Variants in USP6NL observed in about 807,000 individuals in gnomAD.
USP6NL encodes USP6 N-terminal like.
Under a neutral mutation model 61.9 loss-of-function variants are expected in USP6NL, and 26 were observed. The ratio of observed to expected loss-of-function variants is 0.42; its 90% CI spans 0.31 to 0.58. USP6NL has a LOEUF of 0.58. USP6NL is among the 20% of genes least tolerant of loss of function. The pLI, the probability that USP6NL is intolerant of heterozygous loss-of-function variation, is 0.16. For synonymous variants in USP6NL, 432 were observed against 390.1 expected (o/e 1.11, Z -1.27); for missense variants, 1,114 against 1,034.3 (o/e 1.08, Z -1.06).
chr10:11,538,337 A>C (rs2133443806), intron 2 of USP6NL, among the ~76,000 whole-genome samples: 1 of 152,268 alleles, frequency 6.6e-6, no homozygotes, highest in Admixed American at 6.5e-5. Context: ...AGAACTGGCC[A>C]CTGCTGCTTC....
chr10:11,463,668 G>A lies in USP6NL; in HGVS notation c.1260C>T (p.Ser420=), dbSNP rs1832296250. 1 of 1,613,944 alleles carries A rather than the reference G, an allele frequency of 6.2e-7. No homozygotes were observed. The highest frequency in any genetic ancestry group is 1.1e-5 in the South Asian group (1 of 91,080). The change falls in exon 15 of 15, where the codon AGC becomes AGT. Residue 420 remains serine (S), a synonymous_variant. Coordinates refer to ENST00000609104, the MANE Select transcript of USP6NL (RefSeq NM_014688.5). The surrounding 1 kb of genome is among the most constrained non-coding windows in gnomAD (Gnocchi z 6.3). ...GTGCTCTCTCGGGCGTCCCGGTCCT[G>A]CTCTGGGGGTGCGGGGAGTGCTCGT... The part of the protein sequence containing the change: ...RRHEHSPHPQ[S]RTGTPERAQP...
chr10:11,501,556 AACTTCTTACAC>A, intron 6 of USP6NL, among the ~76,000 whole-genome samples: 1 of 152,342 alleles, frequency 6.6e-6, no homozygotes, highest in South Asian at 2.1e-4. Context: ...TGGTATAATT[AACTTCTTACAC>A]ACTTTCTGCC....
chr10:11,529,820 T>C (rs1025359609), intron 2 of USP6NL, among the ~76,000 whole-genome samples: 1 of 152,088 alleles, frequency 6.6e-6, no homozygotes, highest in African/African-American at 2.4e-5. Context: ...AGCAAATTAA[T>C]AGGAATTAAA....
In USP6NL at chr10:11,608,920, G is replaced by A. The variant is rs534879157; in HGVS notation, c.-84+2523C>T. Reference sequence around the variant, plus strand: ...CTTAAATCTCATGTACTACATGGACGTGTGCTACAAGTTGGATTTCTTTTC... The same window carrying A: ...CTTAAATCTCATGTACTACATGGACATGTGCTACAAGTTGGATTTCTTTTC... On this transcript the variant is annotated intron_variant, in intron 1 of 14. Coordinates refer to ENST00000609104, the MANE Select transcript of USP6NL (RefSeq NM_014688.5). 2.0e-5 allele frequency among the ~76,000 whole-genome samples: 3 copies of A among 152,274 alleles called. No homozygotes were observed. The South Asian group carries it at 6.2e-4, about 32-fold the overall frequency.
chr10:11,586,953 G>C (rs1837989576), intron 2 of USP6NL, among the ~76,000 whole-genome samples: 1 of 152,172 alleles, frequency 6.6e-6, no homozygotes, highest in Admixed American at 6.5e-5. Context: ...GTCTCAGCTG[G>C]AAGGTTTCCT....
chr10:11,468,651 G>A lies in USP6NL; in HGVS notation c.1079-4802C>T, dbSNP rs983126666. 3.3e-5 allele frequency among the ~76,000 whole-genome samples: 5 copies of A among 152,242 alleles called. No individual in the cohort carries two copies. The highest frequency in any genetic ancestry group is 7.3e-5 in the Non-Finnish European group (5 of 68,040). On this transcript the variant is annotated intron_variant, in intron 14 of 14. Coordinates refer to ENST00000609104, the MANE Select transcript of USP6NL (RefSeq NM_014688.5). This position sits in a 1 kb window ranked among gnomAD's most constrained non-coding sequence, Gnocchi z 4.5. ...AACTGTAGCGTGGGAGTGGAGGGGA[G>A]GAGGTGTGGGAAAAATGCGGAACAC...
chr10:11,555,471 A>AGAAAGAGAG (rs1566178235), intron 2 of USP6NL, among the ~76,000 whole-genome samples: 26 of 62,140 alleles, frequency 4.2e-4, no homozygotes, highest in South Asian at 2.2e-3. Context: ...GAGAGAGAGA[A>AGAAAGAGAG]AGAGAGAGAG....
At chr10:11,551,137 G>A (rs551964439) in intron 2 of USP6NL, among the ~76,000 whole-genome samples, 21 of 152,140 alleles carry the variant, frequency 1.4e-4, no homozygotes, top group African/African-American at 4.1e-4. Flanking sequence ...AGGTATCTAC[G>A]CAAAAGAAAC....
rs556631384 is a variant in USP6NL, at chr10:11,461,233, A to C, written c.*1208T>G. 1 of 152,236 alleles carries C rather than the reference A, an allele frequency of 6.6e-6. No homozygotes were observed. The highest frequency in any genetic ancestry group is 1.9e-4 in the East Asian group (1 of 5,140). 9.4% of individuals were successfully genotyped at this position (152,236 alleles called of 1,614,324 possible). On this transcript the variant is annotated 3_prime_UTR_variant, in exon 15 of 15. Transcript: ENST00000609104. ...CAGAATATTTTTTAAAGACATCACTAATTTTTTTTTAAGCCAAGAACTTGA... is the reference window on the plus strand; with the variant it reads ...CAGAATATTTTTTAAAGACATCACTCATTTTTTTTTAAGCCAAGAACTTGA...
chr10:11,571,186 C>T (rs766675771), intron 2 of USP6NL, among the ~76,000 whole-genome samples: 5 of 151,760 alleles, frequency 3.3e-5, no homozygotes, highest in African/African-American at 9.7e-5. Context: ...CGGGTTCAAG[C>T]GATTCTCCTG....
chr10:11,490,421 T>C lies in USP6NL; in HGVS notation c.543+411A>G, dbSNP rs1056367647. On this transcript the variant is annotated intron_variant, in intron 9 of 14. Coordinates refer to ENST00000609104, the MANE Select transcript of USP6NL (RefSeq NM_014688.5). The surrounding 1 kb of genome is among the most constrained non-coding windows in gnomAD (Gnocchi z 4.5). ...GTTATCTTGTTTGGACCTCACCTAATAGATAAATGTGATTGTGAAAAGTAA... is the reference window on the plus strand; with the variant it reads ...GTTATCTTGTTTGGACCTCACCTAACAGATAAATGTGATTGTGAAAAGTAA... Among the ~76,000 whole-genome samples, 4 of 152,116 alleles carry C rather than the reference T, an allele frequency of 2.6e-5. No homozygotes were observed. The highest frequency in any genetic ancestry group is 2.1e-4 in the South Asian group (1 of 4,828).
chr10:11,565,338 T>A (rs1049305313), intron 2 of USP6NL: 1 of 152,108 alleles, frequency 6.6e-6, no homozygotes, highest in Admixed American at 6.5e-5. Flanking sequence ...AAAATCAGCA[T>A]CCTTTAAGAA....
rs867393244 is a variant in USP6NL, at chr10:11,537,700, G to C, written c.5-10133C>G. On this transcript the variant is annotated intron_variant, in intron 2 of 14. Coordinates refer to ENST00000609104, the MANE Select transcript of USP6NL (RefSeq NM_014688.5). The surrounding 1 kb of genome is among the most constrained non-coding windows in gnomAD (Gnocchi z 5.1). ...AAGTAGGGTCAGTGGGGCTGGGGAG[G>C]ATGCAGCAAAGCTCTGCTAGCTTGG... Among the ~76,000 whole-genome samples the C allele has an allele frequency of 1.9e-4, 29 of 152,324 alleles. No individual in the cohort carries two copies. In the Middle Eastern group the frequency reaches 0.01, roughly 54 times the overall value.
At chr10:11,544,146 T>G (rs1371518071) in intron 2 of USP6NL, among the ~76,000 whole-genome samples, 1 of 151,864 alleles carries the variant, frequency 6.6e-6, no homozygotes, top group Non-Finnish European at 1.5e-5. Flanking sequence ...CCCAACCAAA[T>G]GTTCCACCCT....
rs568132281 is a variant in USP6NL, at chr10:11,528,720, T to C, written c.5-1153A>G. Among the ~76,000 whole-genome samples the C allele has an allele frequency of 6.6e-6, 1 of 152,360 alleles. No homozygotes were observed. The highest frequency in any genetic ancestry group is 1.5e-5 in the Non-Finnish European group (1 of 68,034). ...CGATGGCAGATGGAACATATGCTTT[T>C]ACCTCCATTTCCCCTAAAACCCCAC... On this transcript the variant is annotated intron_variant, in intron 2 of 14. Transcript: ENST00000609104. This position sits in a 1 kb window ranked among gnomAD's most constrained non-coding sequence, Gnocchi z 4.6.
rs1357433192 is a variant in USP6NL, at chr10:11,611,457, G to T, written c.-98C>A. 2.6e-5 allele frequency: 4 copies of T among 153,762 alleles called. No individual in the cohort carries two copies. In the South Asian group the frequency reaches 7.4e-4, roughly 29 times the overall value. 9.5% of individuals were successfully genotyped at this position (153,762 alleles called of 1,614,324 possible). On this transcript the variant is annotated 5_prime_UTR_variant, in exon 1 of 15. Coordinates refer to ENST00000609104, the MANE Select transcript of USP6NL (RefSeq NM_014688.5). The surrounding 1 kb of genome is among the most constrained non-coding windows in gnomAD (Gnocchi z 5.3). ...ATGGAAGTTACCTCAGTACGGTCCCGACTGCTAGGCTGTGGGCAGCGGACA... is the reference window on the plus strand; with the variant it reads ...ATGGAAGTTACCTCAGTACGGTCCCTACTGCTAGGCTGTGGGCAGCGGACA...
Position 11,487,089 on chromosome 10 carries a change from T to A in USP6NL, c.665-1178A>T, listed in dbSNP as rs951179090. Among the ~76,000 whole-genome samples, 3 of 152,048 alleles carry A rather than the reference T, an allele frequency of 2.0e-5. No homozygotes were observed. Among genetic ancestry groups the A allele is most frequent in the Admixed American group, 6.6e-5 (1 of 15,260 alleles). On this transcript the variant is annotated intron_variant, in intron 10 of 14. Coordinates refer to ENST00000609104, the MANE Select transcript of USP6NL (RefSeq NM_014688.5). This position sits in a 1 kb window ranked among gnomAD's most constrained non-coding sequence, Gnocchi z 4.2. ...GTATCTATCAGTGCCACTTTCATAG[T>A]CAATTTGATAGGAATGGAAGTTGAA...
chr10:11,571,681 T>C (rs576683684), intron 2 of USP6NL, among the ~76,000 whole-genome samples: 27 of 151,984 alleles, frequency 1.8e-4, no homozygotes, highest in Admixed American at 5.9e-4. Flanking sequence ...TAGGGGTCAG[T>C]GTTTTATATT....
intron 8 of USP6NL, among the ~76,000 whole-genome samples, chr10:11,492,854 A>G (rs1289068644): frequency 6.6e-6 from 1 of 152,244 alleles, no homozygotes; most frequent in East Asian, 1.9e-4. Flanking sequence ...ATGACTTCTA[A>G]TAAAAGTATC....
Sources: allele counts gnomAD v4.1 joint callset (sites outside exome capture counted in the v4.1 genomes callset), GRCh38; gene constraint gnomAD v4.1.1; non-coding constraint Gnocchi (gnomAD v3.1); transcripts MANE v1.5; gene names NCBI Gene and HGNC (gene_info 2026-07-23, HGNC 2026-07-21).